The following TP63 variants were observed in gnomAD, a reference collection of about 807,000 sequenced individuals.
The protein encoded by TP63 is tumor protein p63, also known as tumor protein 63.
In TP63, 17 loss-of-function variants were observed where a neutral mutation model predicts 82.8. That is an observed-to-expected ratio of 0.21 (90% CI 0.14 to 0.31). The LOEUF (loss-of-function observed/expected upper bound fraction) is 0.31, where lower values mean the gene tolerates loss of function less well. Ranked by LOEUF, TP63 falls within the 10% of genes least tolerant of loss-of-function variation. The pLI, the probability that TP63 is intolerant of heterozygous loss-of-function variation, is 1.00. For synonymous variants in TP63, 330 were observed against 321.7 expected (o/e 1.03, Z -0.28); for missense variants, 648 against 895.3 (o/e 0.72, Z 3.52).
intron 3 of TP63, among the ~76,000 whole-genome samples, chr3:189,782,954 A>G (rs16864794): frequency 0.12 from 18,697 of 152,080 alleles, 1,243 homozygotes; most frequent in East Asian, 0.32. Context: ...AAACATAAAC[A>G]GGTATACTGT....
chr3:189,635,885 T>A (rs1038780999), intron 1 of TP63, among the ~76,000 whole-genome samples: 1 of 152,102 alleles, frequency 6.6e-6, no homozygotes, highest in Non-Finnish European at 1.5e-5. Flanking sequence ...ATAATTGATA[T>A]AGTAATTAAT....
chr3:189,897,212 A>AATCT lies in TP63; in HGVS notation c.*2711_*2714dup, dbSNP rs1266595844. On this transcript the variant is annotated 3_prime_UTR_variant, in exon 14 of 14. Transcript: ENST00000264731. ...TTTGGGGAGCCAGAAGCCAATCTAC[A>AATCT]ATCTCTTTTTGTTTGCCAGGACATG... 1 of 211,822 alleles carries AATCT rather than the reference A, an allele frequency of 4.7e-6. No individual in the cohort carries two copies. The highest frequency in any genetic ancestry group is 2.3e-5 in the African/African-American group (1 of 44,210). 13.1% of individuals were successfully genotyped at this position (211,822 alleles called of 1,614,324 possible).
At chr3:189,865,357 C>G (rs546245294) in intron 5 of TP63, among the ~76,000 whole-genome samples, 3 of 152,128 alleles carry the variant, frequency 2.0e-5, no homozygotes, top group Non-Finnish European at 4.4e-5. Context: ...ATAAGTCATG[C>G]CTCATATTCT....
At chr3:189,600,986 G>A in the TP63 span, among the ~76,000 whole-genome samples, 4 of 152,168 alleles carry the variant, frequency 2.6e-5, no homozygotes, top group African/African-American at 4.8e-5. Context: ...AGTACAACAT[G>A]TGTTGAATTT....
intron 3 of TP63, among the ~76,000 whole-genome samples, chr3:189,803,746 C>T (rs960432748): frequency 6.6e-6 from 1 of 152,152 alleles, no homozygotes; most frequent in African/African-American, 2.4e-5. Flanking sequence ...AGGGTCCAAA[C>T]AGTGATTCTT....
At chr3:189,753,844 G>A (rs1490087877) in intron 3 of TP63, among the ~76,000 whole-genome samples, 1 of 151,780 alleles carries the variant, frequency 6.6e-6, no homozygotes, top group Non-Finnish European at 1.5e-5. Context: ...TTTAGTGATG[G>A]CTCTATAAAT....
At chr3:189,865,024 GAA>G (rs60262307) in intron 5 of TP63, among the ~76,000 whole-genome samples, 1 of 150,232 alleles carries the variant, frequency 6.7e-6, no homozygotes, top group African/African-American at 2.4e-5. Flanking sequence ...AAAAATAAAT[GAA>G]AAAAAAATAA....
At chr3:189,706,471 G>C (rs926701728) in intron 1 of TP63, among the ~76,000 whole-genome samples, 1 of 152,128 alleles carries the variant, frequency 6.6e-6, no homozygotes, top group African/African-American at 2.4e-5. Context: ...GGCCAGGCTG[G>C]TCTCGAACAC....
At chr3:189,638,780 C>T (rs1029663218) in intron 1 of TP63, among the ~76,000 whole-genome samples, 3 of 152,094 alleles carry the variant, frequency 2.0e-5, no homozygotes, top group Admixed American at 6.6e-5. Flanking sequence ...GAGATTACAT[C>T]GATGCCTCTC....
In TP63 at chr3:189,870,282, A is replaced by T. The variant is rs117482361; in HGVS notation, c.1212+876A>T. ...CCCTATCTGCCTGTTCCATATCTGC[A>T]GATTCAACCAATCACAGATCAAAAA... is the stretch of plus-strand genomic sequence containing the variant. On this transcript the variant is annotated intron_variant, in intron 9 of 13. Coordinates refer to ENST00000264731, the MANE Select transcript of TP63 (RefSeq NM_003722.5). Among the ~76,000 whole-genome samples the T allele has an allele frequency of 3.7e-4, 57 of 152,358 alleles. No homozygotes were observed. In the East Asian group the frequency reaches 8.9e-3, roughly 24 times the overall value.
At chr3:189,654,888 G>C (rs1288026884) in intron 1 of TP63, among the ~76,000 whole-genome samples, 1 of 152,076 alleles carries the variant, frequency 6.6e-6, no homozygotes, top group African/African-American at 2.4e-5. Context: ...GAGCTGGAAG[G>C]GATTTTAATT....
At chr3:189,682,536 GAAA>G (rs375284237) in intron 1 of TP63, among the ~76,000 whole-genome samples, 261 of 18,700 alleles carry the variant, frequency 0.014, 1 homozygote, top group East Asian at 0.06. Flanking sequence ...GTCCTAAGGG[GAAA>G]AAAAAAAAAA....
intron 1 of TP63, among the ~76,000 whole-genome samples, chr3:189,664,156 C>G (rs928671407): frequency 6.6e-6 from 1 of 152,008 alleles, no homozygotes; most frequent in Non-Finnish European, 1.5e-5. Flanking sequence ...TCCTATCCCC[C>G]CAAGCCCTGC....
rs547314129 is a variant in TP63, at chr3:189,808,325, C to T, written c.378C>T (p.Asn126=). The part of the protein sequence containing the change: ...LLNSMDQQIQ[N]GSSSTSPYNT... ...ACAGCATGGACCAGCAGATTCAGAA[C>T]GGCTCCTCGTCCACCAGTCCCTATA... The change falls in exon 4 of 14, where the codon AAC becomes AAT. Residue 126 remains asparagine (N), a synonymous_variant. Coordinates refer to ENST00000264731, the MANE Select transcript of TP63 (RefSeq NM_003722.5). The T allele has an allele frequency of 5.6e-6, 9 of 1,614,180 alleles. No individual in the cohort carries two copies. The East Asian group carries it at 1.1e-4, about 20-fold the overall frequency.
chr3:189,676,937 A>G (rs1322838140), intron 1 of TP63, among the ~76,000 whole-genome samples: 1 of 152,024 alleles, frequency 6.6e-6, no homozygotes, highest in East Asian at 1.9e-4. Context: ...CTCCTGGTAT[A>G]CATTGTACAC....
chr3:189,836,012 C>A (rs1171470547), intron 4 of TP63, among the ~76,000 whole-genome samples: 1 of 151,510 alleles, frequency 6.6e-6, no homozygotes, highest in African/African-American at 2.4e-5. Context: ...GTCAGACTTC[C>A]TATCAATGGG....
intron 1 of TP63, among the ~76,000 whole-genome samples, chr3:189,663,518 A>ATTTTT (rs1553807497): frequency 1.2e-5 from 1 of 85,450 alleles, no homozygotes; most frequent in Admixed American, 1.7e-4. Flanking sequence ...TATTTCATTC[A>ATTTTT]TTCTTTTTTT....
At chr3:189,778,298 AAC>A (rs1295487287) in intron 3 of TP63, among the ~76,000 whole-genome samples, 1 of 152,218 alleles carries the variant, frequency 6.6e-6, no homozygotes, top group Non-Finnish European at 1.5e-5. Flanking sequence ...GATGGCCTCT[AAC>A]ACACTTCTAG....
At chr3:189,708,129 G>A (rs151314749) in intron 1 of TP63, among the ~76,000 whole-genome samples, 328 of 152,220 alleles carry the variant, frequency 2.2e-3, no homozygotes, top group African/African-American at 7.5e-3. Context: ...ATCTCAATCA[G>A]CAGAGTGAAA....
Sources: gnomAD v4.1 joint callset for allele counts (sites outside exome capture counted in the v4.1 genomes callset) on GRCh38, gnomAD v4.1.1 for gene constraint, MANE v1.5 for transcripts, NCBI Gene and HGNC (gene_info 2026-07-23, HGNC 2026-07-21) for gene names.